LCOR: variants seen among roughly 807,000 people sequenced by gnomAD.
LCOR encodes ligand dependent nuclear receptor corepressor, also known as ligand-dependent corepressor.
Under a neutral mutation model 64.4 loss-of-function variants are expected in LCOR, and 14 were observed. That is an observed-to-expected ratio of 0.22 (90% CI 0.14 to 0.34). The LOEUF is 0.34. Ranked by LOEUF, LCOR falls within the 10% of genes least tolerant of loss-of-function variation. The pLI is 1.00. For synonymous variants in LCOR, 643 were observed against 642.5 expected, an observed-to-expected ratio of 1.00 and a Z score of -0.01; for missense variants, 1,686 against 1,765.3, an observed-to-expected ratio of 0.96 and a Z score of 0.80.
At chr10:96,837,931 G>T (rs1171222249) in intron 2 of LCOR, among the ~76,000 whole-genome samples, 1 of 152,188 alleles carries the variant, frequency 6.6e-6, no homozygotes, top group Non-Finnish European at 1.5e-5. Context: ...CTCAGTTTGT[G>T]ATATTGGATA....
chr10:96,920,749 T>TACACACAC (rs1554837290), intron 4 of LCOR, among the ~76,000 whole-genome samples: 2 of 80,368 alleles, frequency 2.5e-5, no homozygotes, highest in Admixed American at 1.6e-4. Flanking sequence ...TGTATATATG[T>TACACACAC]ATACACACAC....
intron 4 of LCOR, among the ~76,000 whole-genome samples, chr10:96,929,888 G>A (rs1292260524): frequency 1.3e-5 from 2 of 152,186 alleles, no homozygotes; most frequent in Non-Finnish European, 2.9e-5. Context: ...TCGAAGGAGA[G>A]GGAGAAAGAC....
Position 96,984,511 on chromosome 10 carries a change from A to C in LCOR, c.4051A>C (p.Ile1351Leu). The change falls in exon 8 of 8, where the codon ATC becomes CTC. Residue 1351 changes from isoleucine (I) to leucine (L), a missense_variant. Transcript: ENST00000421806. ...TAAGCCAAGTCGTAAGAGCGTATGC[A>C]TCAACCCTCTGATGTCCCCCAAGCT... ...ESKPSRKSVC[I>L]NPLMSPKLAL... is the part of the protein sequence containing the mutation. 6.2e-7 allele frequency: 1 copy of C among 1,614,228 alleles called. No individual in the cohort carries two copies. Among genetic ancestry groups the C allele is most frequent in the Non-Finnish European group, 8.5e-7 (1 of 1,180,042 alleles).
chr10:96,877,941 A>G (rs1255486122), intron 2 of LCOR, among the ~76,000 whole-genome samples: 1 of 152,210 alleles, frequency 6.6e-6, no homozygotes, highest in Non-Finnish European at 1.5e-5. Context: ...AGAATGAAGC[A>G]TTTATCCTAT....
intron 4 of LCOR, among the ~76,000 whole-genome samples, chr10:96,926,249 G>A (rs1320278742): frequency 1.3e-5 from 2 of 152,136 alleles, no homozygotes; most frequent in Admixed American, 1.3e-4. Context: ...GCATTTTTTG[G>A]TGGTAGCAAA....
chr10:96,866,466 T>C (rs1347245137), intron 2 of LCOR, among the ~76,000 whole-genome samples: 1 of 152,244 alleles, frequency 6.6e-6, no homozygotes, highest in Non-Finnish European at 1.5e-5. Context: ...TAAACATTTT[T>C]GTACAAGTCT....
At chr10:96,891,051 A>C (rs1046626405) in intron 2 of LCOR, among the ~76,000 whole-genome samples, 1 of 151,806 alleles carries the variant, frequency 6.6e-6, no homozygotes, top group East Asian at 1.9e-4. Context: ...TTATGGGATG[A>C]GTTTGGAAGT....
chr10:96,849,732 C>T (rs1409731569), intron 2 of LCOR, among the ~76,000 whole-genome samples: 1 of 152,080 alleles, frequency 6.6e-6, no homozygotes, highest in Non-Finnish European at 1.5e-5. Context: ...TCTATATATG[C>T]CCAGATTGCC....
At chr10:96,853,077 C>G (rs554051184) in intron 2 of LCOR, among the ~76,000 whole-genome samples, 2 of 151,940 alleles carry the variant, frequency 1.3e-5, no homozygotes, top group Non-Finnish European at 2.9e-5. Context: ...GGTGGAGTCT[C>G]GCTCTGTTGC....
At chr10:96,895,587 A>C (rs769118650) in intron 2 of LCOR, among the ~76,000 whole-genome samples, 1 of 152,212 alleles carries the variant, frequency 6.6e-6, no homozygotes, top group Non-Finnish European at 1.5e-5. Flanking sequence ...TAAAATTCAA[A>C]ATCCAGTCTC....
rs994018571 is a variant in LCOR, at chr10:96,982,750, A to G, written c.2290A>G (p.Ser764Gly). The G allele has an allele frequency of 5.6e-6, 9 of 1,614,084 alleles. No individual in the cohort carries two copies. Among genetic ancestry groups the G allele is most frequent in the Non-Finnish European group, 7.6e-6 (9 of 1,180,058 alleles). The change falls in exon 8 of 8, where the codon AGT (serine) becomes GGT (glycine). Residue 764 changes from serine to glycine, a missense_variant. Transcript: ENST00000421806. ...TGAAAACCCCAGTGAAACTGAGGAA[A>G]GTGAGGCAGCAGGTGGTATAGGAAA... Reference protein sequence around the residue: ...TDENPSETEESEAAGGIGKLE... With the variant: ...TDENPSETEEGEAAGGIGKLE...
intron 7 of LCOR, among the ~76,000 whole-genome samples, chr10:96,971,788 G>C (rs1275626117): frequency 6.6e-6 from 1 of 152,156 alleles, no homozygotes; most frequent in East Asian, 1.9e-4. Context: ...AGTTAAAACT[G>C]GATGGTGTAT....
chr10:96,945,139 C>G (rs1012889917), intron 5 of LCOR, among the ~76,000 whole-genome samples: 1 of 152,170 alleles, frequency 6.6e-6, no homozygotes, highest in Non-Finnish European at 1.5e-5. Context: ...AATATTCTTA[C>G]TTAATCTTCA....
At chr10:96,958,397 CTA>C in intron 7 of LCOR, 1 of 1,518,742 alleles carries the variant, frequency 6.6e-7, no homozygotes, top group Non-Finnish European at 8.8e-7. Context: ...TAAATATTTT[CTA>C]TGTGTGTTTC....
In LCOR at chr10:96,902,683, T is replaced by C. The variant is rs568408001; in HGVS notation, c.-329-4582T>C. Among the ~76,000 whole-genome samples the C allele has an allele frequency of 1.6e-4, 24 of 152,340 alleles. No homozygotes were observed. In the South Asian group the frequency reaches 5.0e-3, roughly 32 times the overall value. ...ACTGACTTCGTATGAAGGCTCAGTGTGGTGGTGGCATCAAGTCACACATCC... is the reference window on the plus strand; with the variant it reads ...ACTGACTTCGTATGAAGGCTCAGTGCGGTGGTGGCATCAAGTCACACATCC... On this transcript the variant is annotated intron_variant, in intron 2 of 7. Transcript: ENST00000421806.
intron 2 of LCOR, among the ~76,000 whole-genome samples, chr10:96,854,728 A>G (rs1307667322): frequency 2.0e-5 from 3 of 152,184 alleles, no homozygotes; most frequent in Non-Finnish European, 2.9e-5. Flanking sequence ...GAAAAGAGTG[A>G]TATTCTTTTG....
intron 4 of LCOR, among the ~76,000 whole-genome samples, chr10:96,909,545 T>C (rs897379257): frequency 6.6e-6 from 1 of 152,236 alleles, no homozygotes; most frequent in Non-Finnish European, 1.5e-5. Flanking sequence ...TGTCAACTGC[T>C]AAAAACTAGA....
intron 6 of LCOR, among the ~76,000 whole-genome samples, chr10:96,949,838 G>GA (rs1243197331): frequency 1.1e-4 from 16 of 152,168 alleles, no homozygotes; most frequent in Non-Finnish European, 2.2e-4. Context: ...TATAAATACA[G>GA]AAACACATAT....
chr10:96,916,587 C>CCATATATATATA lies in LCOR; in HGVS notation c.-184+8840_-184+8841insCATATATATATA, dbSNP rs375266535. 3.0e-3 allele frequency among the ~76,000 whole-genome samples: 416 copies of CCATATATATATA among 138,150 alleles called. 4 individuals carry two copies. Among genetic ancestry groups the CCATATATATATA allele is most frequent in the African/African-American group, 0.01 (376 of 36,022 alleles). The allele number at this position is 138,150 out of a possible 152,430, so 90.6% of individuals were successfully genotyped here. On this transcript the variant is annotated intron_variant, in intron 4 of 7. Coordinates refer to ENST00000421806, the MANE Select transcript of LCOR (RefSeq NM_001346516.2). ...GAAACACATATGAGATATTTAAAGGCTATATATATATATATATATCTATAT... is the reference window on the plus strand; with the variant it reads ...GAAACACATATGAGATATTTAAAGGCCATATATATATATATATATATATATATATATCTATAT...
Sources: gnomAD v4.1 joint callset for allele counts (sites outside exome capture counted in the v4.1 genomes callset) on GRCh38, gnomAD v4.1.1 for gene constraint, MANE v1.5 for transcripts, NCBI Gene and HGNC (gene_info 2026-07-23, HGNC 2026-07-21) for gene names.